The following TDRD3 variants were observed in gnomAD, a reference collection of about 807,000 sequenced individuals.
TDRD3 encodes tudor domain-containing protein 3.
TDRD3 carries 45 observed loss-of-function variants against 86.7 expected under a neutral mutation model. That is an observed-to-expected ratio of 0.52 (90% CI 0.41 to 0.67). TDRD3 has a LOEUF of 0.67. TDRD3 is among the 30% of genes least tolerant of loss of function. The probability of loss-of-function intolerance (pLI) is 0.00; values close to 1 mark genes in which losing one functional copy is unlikely to be tolerated. For synonymous variants in TDRD3, 298 were observed against 301.7 expected (o/e 0.99, Z 0.13); for missense variants, 814 against 889.0 (o/e 0.92, Z 1.07).
At chr13:60,549,841 C>A (rs909520446) in intron 12 of TDRD3, among the ~76,000 whole-genome samples, 1 of 151,948 alleles carries the variant, frequency 6.6e-6, no homozygotes. Flanking sequence ...TTTTAGTGCT[C>A]ATCGTATTTT....
chr13:60,431,065 T>C (rs950259380), intron 1 of TDRD3, among the ~76,000 whole-genome samples: 3 of 152,092 alleles, frequency 2.0e-5, no homozygotes, highest in Non-Finnish European at 1.5e-5. Context: ...TGTCTTAATA[T>C]ATCTAATGGT....
chr13:60,530,815 G>A (rs1957567761), intron 11 of TDRD3, among the ~76,000 whole-genome samples: 1 of 151,970 alleles, frequency 6.6e-6, no homozygotes, highest in Non-Finnish European at 1.5e-5. Flanking sequence ...GAGAGTGTGT[G>A]GCTAAAGGGA....
At chr13:60,544,303 G>C (rs1957885463) in intron 12 of TDRD3, among the ~76,000 whole-genome samples, 1 of 151,788 alleles carries the variant, frequency 6.6e-6, no homozygotes. Flanking sequence ...AATTAGCCAG[G>C]TGAGGTGGTA....
At chr13:60,468,608 C>T (rs567969085) in intron 5 of TDRD3, among the ~76,000 whole-genome samples, 1 of 152,218 alleles carries the variant, frequency 6.6e-6, no homozygotes, top group African/African-American at 2.4e-5. Context: ...TGGGATCTTG[C>T]ATCTGTATCT....
chr13:60,468,906 C>A (rs536284280), intron 5 of TDRD3, among the ~76,000 whole-genome samples: 2 of 152,190 alleles, frequency 1.3e-5, no homozygotes, highest in Non-Finnish European at 2.9e-5. Flanking sequence ...ACCCTCAAAT[C>A]TTGCCTGTTT....
chr13:60,488,990 T>G (rs1323204562), intron 7 of TDRD3, among the ~76,000 whole-genome samples: 1 of 152,188 alleles, frequency 6.6e-6, no homozygotes, highest in Non-Finnish European at 1.5e-5. Context: ...ATTATTTTCC[T>G]TCATTCTGTA....
In TDRD3 at chr13:60,397,423, C is replaced by T; in HGVS notation, c.41+18C>T. ...GCGGGTTGGTAAGTGGCGAGTCCCG[C>T]CGGCTGCCGGGCCGCGGGTGCGGGC... On this transcript the variant is annotated intron_variant, in intron 1 of 13. Coordinates refer to ENST00000377881, the MANE Select transcript of TDRD3 (RefSeq NM_001146070.2). 1 of 1,483,306 alleles carries T rather than the reference C, an allele frequency of 6.7e-7. No individual in the cohort carries two copies. The highest frequency in any genetic ancestry group is 8.9e-7 in the Non-Finnish European group (1 of 1,118,410). 91.9% of individuals were successfully genotyped at this position (1,483,306 alleles called of 1,614,324 possible).
intron 12 of TDRD3, among the ~76,000 whole-genome samples, chr13:60,548,186 G>A (rs1270292112): frequency 6.6e-6 from 1 of 152,190 alleles, no homozygotes; most frequent in Non-Finnish European, 1.5e-5. Flanking sequence ...TTTGGTCAGT[G>A]CTTTGAATAT....
intron 10 of TDRD3, among the ~76,000 whole-genome samples, chr13:60,513,415 G>A (rs540458499): frequency 3.3e-5 from 5 of 152,252 alleles, no homozygotes; most frequent in South Asian, 2.1e-4. Context: ...TGTTACTTAC[G>A]CATATTTTTG....
chr13:60,452,309 A>G (rs1174362775), intron 3 of TDRD3, among the ~76,000 whole-genome samples: 4 of 152,044 alleles, frequency 2.6e-5, no homozygotes, highest in African/African-American at 9.7e-5. Flanking sequence ...TTTAATTACT[A>G]TTTCCTCTGT....
At chr13:60,540,361 T>C (rs1475293710) in intron 12 of TDRD3, among the ~76,000 whole-genome samples, 4 of 152,180 alleles carry the variant, frequency 2.6e-5, no homozygotes, top group African/African-American at 9.6e-5. Context: ...TAAAGTTTGG[T>C]TGTGTTAGAT....
chr13:60,496,340 T>TATAC (rs1956718919), intron 8 of TDRD3, among the ~76,000 whole-genome samples: 1 of 82,426 alleles, frequency 1.2e-5, no homozygotes, highest in Non-Finnish European at 2.4e-5. Context: ...TATATATATA[T>TATAC]ATATCCTCTA....
At chr13:60,497,849 A>G (rs917001091) in intron 8 of TDRD3, among the ~76,000 whole-genome samples, 1 of 152,152 alleles carries the variant, frequency 6.6e-6, no homozygotes, top group Non-Finnish European at 1.5e-5. Flanking sequence ...ATAAACAGAA[A>G]TCTGAAGAGC....
chr13:60,504,163 A>G (rs1215321817), intron 8 of TDRD3, among the ~76,000 whole-genome samples: 1 of 152,216 alleles, frequency 6.6e-6, no homozygotes. Context: ...ATCTGAGATA[A>G]TCACTCATCC....
At chr13:60,397,973 A>G (rs778827830) in intron 1 of TDRD3, among the ~76,000 whole-genome samples, 3 of 152,176 alleles carry the variant, frequency 2.0e-5, no homozygotes, top group Non-Finnish European at 4.4e-5. Context: ...CTTCCGCGGC[A>G]CACACACAAC....
intron 1 of TDRD3, among the ~76,000 whole-genome samples, chr13:60,428,182 T>C (rs1954857740): frequency 6.6e-6 from 1 of 150,990 alleles, no homozygotes. Context: ...TCCCTCTGCC[T>C]CTCTCCTATA....
Position 60,469,525 on chromosome 13 carries a change from C to A in TDRD3, c.495+2146C>A, listed in dbSNP as rs115905899. 7.9e-3 allele frequency among the ~76,000 whole-genome samples: 1,195 copies of A among 152,134 alleles called. 16 individuals are homozygous for A. Among genetic ancestry groups the A allele is most frequent in the African/African-American group, 0.027 (1,133 of 41,504 alleles). On this transcript the variant is annotated intron_variant, in intron 5 of 13. Coordinates refer to ENST00000377881, the MANE Select transcript of TDRD3 (RefSeq NM_001146070.2). ...ATATGTCTCTGCACTTGACTTCCTG[C>A]AAGCCACATTAGTATTTCTTGTTAG... is the stretch of plus-strand genomic sequence containing the variant.
At chr13:60,540,255 T>A (rs1303073543) in intron 12 of TDRD3, among the ~76,000 whole-genome samples, 1 of 152,170 alleles carries the variant, frequency 6.6e-6, no homozygotes, top group Non-Finnish European at 1.5e-5. Flanking sequence ...AGAAGGAAAC[T>A]GTATGGCTAG....
At chr13:60,458,986 CTTG>C (rs1413186124) in intron 3 of TDRD3, among the ~76,000 whole-genome samples, 1 of 152,176 alleles carries the variant, frequency 6.6e-6, no homozygotes, top group African/African-American at 2.4e-5. Context: ...CTTATCTATA[CTTG>C]TTAACAGTTT....
Sources: gnomAD v4.1 joint callset for allele counts (sites outside exome capture counted in the v4.1 genomes callset) on GRCh38, gnomAD v4.1.1 for gene constraint, MANE v1.5 for transcripts, NCBI Gene and HGNC (gene_info 2026-07-23, HGNC 2026-07-21) for gene names.